Variants in ABCG2 observed in about 807,000 individuals in gnomAD.
The protein encoded by ABCG2 is ATP binding cassette subfamily G member 2 (JR blood group), also known as broad substrate specificity ATP-binding cassette transporter ABCG2.
In ABCG2, 80 loss-of-function variants were observed where a neutral mutation model predicts 73.5. The observed-to-expected ratio is 1.09, with a 90% CI of 0.91 to 1.31. The LOEUF (loss-of-function observed/expected upper bound fraction) is 1.31, where lower values mean the gene tolerates loss of function less well. Ranked by LOEUF, ABCG2 falls within the 50% of genes most tolerant of loss-of-function variation. The pLI, the probability that ABCG2 is intolerant of heterozygous loss-of-function variation, is 0.00. For synonymous variants in ABCG2, 269 were observed against 282.4 expected (o/e 0.95, Z 0.48); for missense variants, 796 against 786.2 (o/e 1.01, Z -0.15).
chr4:88,213,982 C>CTTTTTT lies in ABCG2; in HGVS notation c.-20+17006_-20+17011dup, dbSNP rs33984842. Among the ~76,000 whole-genome samples the CTTTTTT allele has an allele frequency of 3.2e-3, 193 of 59,640 alleles. 4 individuals are homozygous for CTTTTTT. The highest frequency in any genetic ancestry group is 4.0e-3 in the Non-Finnish European group (135 of 33,556). The allele number at this position is 59,640 out of a possible 152,430, so 39.1% of individuals were successfully genotyped here. A position where few individuals can be genotyped will look rare whatever the true frequency, so the allele number is the denominator to read the frequency against. ...ACAGCCATGAGCCACCACGCCCGGC[C>CTTTTTT]TTTTTTTTTTTTTTTTTTTTTTTGA... On this transcript the variant is annotated intron_variant, in intron 1 of 15. Coordinates refer to the ABCG2 transcript ENST00000515655.
intron 1 of ABCG2, among the ~76,000 whole-genome samples, chr4:88,217,469 T>A (rs10019314): frequency 6.6e-6 from 1 of 151,934 alleles, no homozygotes; most frequent in Non-Finnish European, 1.5e-5. Flanking sequence ...AAGACCAGCC[T>A]GGCCAATATG....
At chr4:88,208,934 G>A (rs1475716002) in intron 1 of ABCG2, among the ~76,000 whole-genome samples, 2 of 151,980 alleles carry the variant, frequency 1.3e-5, no homozygotes, top group African/African-American at 2.4e-5. Flanking sequence ...CCTGGGAGGC[G>A]GAGGTTACAG....
In ABCG2 at chr4:88,127,668, G is replaced by A. The variant is rs142852177; in HGVS notation, c.531+3393C>T. ...GACATACCTGACAAAAACAAGCAAC[G>A]GGGAAAGGATTCTGTATTTAATAAA... is the stretch of plus-strand genomic sequence containing the variant. On this transcript the variant is annotated intron_variant, in intron 5 of 15. Transcript: ENST00000237612. Among the ~76,000 whole-genome samples the A allele has an allele frequency of 3.3e-3, 498 of 152,218 alleles. 2 individuals are homozygous for A. Among genetic ancestry groups the A allele is most frequent in the African/African-American group, 0.011 (466 of 41,534 alleles).
intron 1 of ABCG2, among the ~76,000 whole-genome samples, chr4:88,194,366 C>T (rs1452405351): frequency 3.3e-5 from 5 of 151,520 alleles, no homozygotes; most frequent in Non-Finnish European, 5.9e-5. Context: ...CTGGCTAACA[C>T]GGTTAAACCC....
In ABCG2 at chr4:88,115,046, T is replaced by A. The variant is rs1407843762; in HGVS notation, c.854A>T (p.Glu285Val). 6.2e-7 allele frequency: 1 copy of A among 1,609,772 alleles called. No individual in the cohort carries two copies. The highest frequency in any genetic ancestry group is 1.7e-5 in the Admixed American group (1 of 59,890). Reference sequence around the variant, plus strand: ...GAAGTCTGCAGGGTTATTATAGGCCTCACAGTGATAACCTATGAAAGAAGG... The same window carrying A: ...GAAGTCTGCAGGGTTATTATAGGCCACACAGTGATAACCTATGAAAGAAGG... ...GYFESAGYHCEAYNNPADFFL... is the reference protein window; with the variant it reads ...GYFESAGYHCVAYNNPADFFL... Residue 285 changes from glutamate to valine, a missense_variant, in exon 8 of 16, where the codon GAG (glutamate) becomes GTG (valine). Physicochemically the swap from Glu to Val is moderately radical, Grantham distance 121. Coordinates refer to ENST00000237612, the MANE Select transcript of ABCG2 (RefSeq NM_004827.3).
intron 1 of ABCG2, among the ~76,000 whole-genome samples, chr4:88,188,935 C>T (rs572521074): frequency 4.6e-5 from 7 of 152,006 alleles, no homozygotes; most frequent in African/African-American, 1.4e-4. Context: ...ATCACCTGAA[C>T]CTGGGAAGCA....
At chr4:88,138,315 G>A (rs1725389777) in intron 2 of ABCG2, among the ~76,000 whole-genome samples, 1 of 152,096 alleles carries the variant, frequency 6.6e-6, no homozygotes, top group Non-Finnish European at 1.5e-5. Context: ...CTCAAATGCT[G>A]GGTATGGAGA....
chr4:88,170,129 A>T (rs1727701095), intron 1 of ABCG2, among the ~76,000 whole-genome samples: 2 of 151,000 alleles, frequency 1.3e-5, no homozygotes, highest in Non-Finnish European at 1.5e-5. Context: ...AAAAAAAAAA[A>T]GCTGCATTTT....
intron 5 of ABCG2, among the ~76,000 whole-genome samples, chr4:88,123,045 G>C (rs1262035898): frequency 6.6e-6 from 1 of 152,192 alleles, no homozygotes; most frequent in Non-Finnish European, 1.5e-5. Flanking sequence ...AGGGTCTGGA[G>C]TGGACCTGCA....
chr4:88,207,598 G>A (rs1729428999), intron 1 of ABCG2, among the ~76,000 whole-genome samples: 1 of 152,162 alleles, frequency 6.6e-6, no homozygotes, highest in South Asian at 2.1e-4. Flanking sequence ...GAGCTGGAGT[G>A]CAGTGGCATA....
upstream of ABCG2, chr4:88,159,132 T>G: frequency 1.3e-5 from 6 of 456,236 alleles, 1 homozygote; most frequent in South Asian, 9.3e-5. Context: ...CACTCCCGCC[T>G]CCGGGATCGA....
intron 1 of ABCG2, among the ~76,000 whole-genome samples, chr4:88,199,517 C>A (rs1156489023): frequency 6.6e-6 from 1 of 151,978 alleles, no homozygotes; most frequent in Non-Finnish European, 1.5e-5. Context: ...TTATTAGAAA[C>A]CATGCAAGCA....
At chr4:88,176,241 TG>T (rs975381916) in intron 1 of ABCG2, among the ~76,000 whole-genome samples, 1 of 151,840 alleles carries the variant, frequency 6.6e-6, no homozygotes, top group Non-Finnish European at 1.5e-5. Flanking sequence ...GCAATCTACC[TG>T]CCTTGGCCTC....
At chr4:88,125,562 T>A (rs549024940) in intron 5 of ABCG2, among the ~76,000 whole-genome samples, 2 of 117,454 alleles carry the variant, frequency 1.7e-5, no homozygotes, top group South Asian at 5.9e-4. Context: ...GAGCTGAGAC[T>A]GCACCACTGC....
chr4:88,230,315 T>C, intron 1 of ABCG2, among the ~76,000 whole-genome samples: 1 of 21,154 alleles, frequency 4.7e-5, no homozygotes. Flanking sequence ...ATATTTTTTT[T>C]TTTGGCCACA....
At chr4:88,094,745 G>A (rs1407060750) in intron 14 of ABCG2, 86 bp from the exon 15 acceptor site, 3 of 990,582 alleles carry the variant, frequency 3.0e-6, no homozygotes, top group East Asian at 2.5e-5. Flanking sequence ...TGCCCTCTGA[G>A]TTTAATCTTT....
intron 1 of ABCG2, among the ~76,000 whole-genome samples, chr4:88,218,863 A>G (rs1190807093): frequency 6.6e-6 from 1 of 152,152 alleles, no homozygotes; most frequent in Admixed American, 6.5e-5. Flanking sequence ...CTTTTTCTGT[A>G]AAAGGCCAGA....
intron 5 of ABCG2, 94 bp from the exon 6 acceptor site, chr4:88,121,886 A>G (rs547788647): frequency 1.6e-6 from 2 of 1,234,520 alleles, no homozygotes; most frequent in South Asian, 1.4e-5. Flanking sequence ...GAGACACTTT[A>G]TCTCATTAAG....
rs1387870378 is a variant in ABCG2 at position 88,131,519 on chromosome 4, AAAGAAAGGTG to A, written c.378+274_378+283del. Among the ~76,000 whole-genome samples, 3 of 152,220 alleles carry A rather than the reference AAAGAAAGGTG, an allele frequency of 2.0e-5. No homozygotes were observed. The East Asian group carries it at 5.8e-4, about 29-fold the overall frequency. Reference sequence around the variant, plus strand: ...CAAAATATCTTTCTAAGCTAGGGGAAAAGAAAGGTGAAGGAAAGGCAAAAAAGGATAACAG... The same window carrying A: ...CAAAATATCTTTCTAAGCTAGGGGAAAAGGAAAGGCAAAAAAGGATAACAG... On this transcript the variant is annotated intron_variant, in intron 4 of 15. Transcript: ENST00000237612.
Sources: allele counts gnomAD v4.1 joint callset (sites outside exome capture counted in the v4.1 genomes callset), GRCh38; gene constraint gnomAD v4.1.1; transcripts MANE v1.5; gene names NCBI Gene and HGNC (gene_info 2026-07-23, HGNC 2026-07-21).